The following GALNT2 variants were observed in gnomAD, a reference collection of about 807,000 sequenced individuals.
The protein encoded by GALNT2 is UDP-GalNAc:polypeptide N-acetylgalactosaminyltransferase 2.
Under a neutral mutation model 81.4 loss-of-function variants are expected in GALNT2, and 31 were observed. The observed-to-expected ratio is 0.38, with a 90% CI of 0.29 to 0.51. GALNT2 has a LOEUF of 0.51. Ranked by LOEUF, GALNT2 falls within the 20% of genes least tolerant of loss-of-function variation. The probability of loss-of-function intolerance (pLI) is 0.87; values close to 1 mark genes in which losing one functional copy is unlikely to be tolerated. For synonymous variants in GALNT2, 303 were observed against 287.4 expected (o/e 1.05, Z -0.55); for missense variants, 629 against 765.7 (o/e 0.82, Z 2.11).
Position 230,113,026 on chromosome 1 carries a change from C to T in GALNT2, c.126+45620C>T, listed in dbSNP as rs192431239. On this transcript the variant is annotated intron_variant, in intron 1 of 15. Coordinates refer to ENST00000366672, the MANE Select transcript of GALNT2 (RefSeq NM_004481.5). ...GCAGAGGTGAAGGTCTCAGCACCTTCTGTGTGCCCTCTTGCATGTGTGTTT... is the reference window on the plus strand; with the variant it reads ...GCAGAGGTGAAGGTCTCAGCACCTTTTGTGTGCCCTCTTGCATGTGTGTTT... 1.1e-3 allele frequency among the ~76,000 whole-genome samples: 173 copies of T among 152,310 alleles called. 4 individuals are homozygous for T. Among genetic ancestry groups the T allele is most frequent in the Admixed American group, 9.9e-3 (151 of 15,308 alleles).
chr1:230,175,124 C>G (rs1662928232), intron 1 of GALNT2, among the ~76,000 whole-genome samples: 5 of 152,218 alleles, frequency 3.3e-5, no homozygotes, highest in Admixed American at 3.3e-4. Flanking sequence ...TGGGACAAGA[C>G]AAGCATCTAC....
chr1:230,127,320 C>G (rs1026896607), intron 1 of GALNT2, among the ~76,000 whole-genome samples: 4 of 152,004 alleles, frequency 2.6e-5, no homozygotes, highest in African/African-American at 9.7e-5. Context: ...TGACACCTCC[C>G]CCTTCATCCC....
chr1:230,071,627 G>T (rs1659377606), intron 1 of GALNT2, among the ~76,000 whole-genome samples: 1 of 152,156 alleles, frequency 6.6e-6, no homozygotes, highest in African/African-American at 2.4e-5. Flanking sequence ...CCAAAAATCT[G>T]TGAGCATCTT....
chr1:230,151,332 G>A (rs889604302), intron 1 of GALNT2, among the ~76,000 whole-genome samples: 13 of 152,138 alleles, frequency 8.5e-5, no homozygotes, highest in Non-Finnish European at 1.5e-4. Flanking sequence ...CTGCACACCC[G>A]TGACAGGGTG....
At chr1:230,192,065 C>G (rs1462719376) in intron 2 of GALNT2, among the ~76,000 whole-genome samples, 1 of 152,246 alleles carries the variant, frequency 6.6e-6, no homozygotes, top group South Asian at 2.1e-4. Flanking sequence ...GAGACTCAGT[C>G]ACTCCAGGGT....
At chr1:230,238,302 T>C (rs1665093644) in intron 6 of GALNT2, among the ~76,000 whole-genome samples, 1 of 152,216 alleles carries the variant, frequency 6.6e-6, no homozygotes, top group Admixed American at 6.5e-5. Context: ...GTGGATTTTA[T>C]TGTGCATTGA....
intron 2 of GALNT2, among the ~76,000 whole-genome samples, chr1:230,195,351 T>C (rs908601620): frequency 1.3e-5 from 2 of 152,142 alleles, no homozygotes; most frequent in African/African-American, 2.4e-5. Flanking sequence ...TGGAAGCACT[T>C]ATAAGGCCCC....
At position 230,184,528 on chromosome 1, in the gene GALNT2, A is replaced by AT. The variant is rs1015791950; in HGVS notation, c.220+6227dup. On this transcript the variant is annotated intron_variant, in intron 2 of 15. Transcript: ENST00000366672. ...AAATGGTACAGAATTCTAGGTGGTC[A>AT]TTTTTTTTTTCTCTGAGCCCTTTAA... Among the ~76,000 whole-genome samples the AT allele has an allele frequency of 2.2e-4, 33 of 147,108 alleles. 1 individual carries two copies. Among genetic ancestry groups the AT allele is most frequent in the East Asian group, 1.4e-3 (7 of 5,044 alleles).
chr1:230,070,423 A>G lies in GALNT2; in HGVS notation c.126+3017A>G, dbSNP rs1659337808. Reference sequence around the variant, plus strand: ...GAGGAAGGGATTTCTCTGGAAATGAAGCTGCCTGTGGGTGAAGTGTGGCTG... The same window carrying G: ...GAGGAAGGGATTTCTCTGGAAATGAGGCTGCCTGTGGGTGAAGTGTGGCTG... On this transcript the variant is annotated intron_variant, in intron 1 of 15. Coordinates refer to ENST00000366672, the MANE Select transcript of GALNT2 (RefSeq NM_004481.5). The surrounding 1 kb of genome is among the most constrained non-coding windows in gnomAD (Gnocchi z 4.7). 6.6e-6 allele frequency among the ~76,000 whole-genome samples: 1 copy of G among 152,156 alleles called. No homozygotes were observed. Among genetic ancestry groups the G allele is most frequent in the African/African-American group, 2.4e-5 (1 of 41,416 alleles).
At chr1:230,062,994 T>G (rs780734019), upstream of GALNT2, among the ~76,000 whole-genome samples, 5 of 152,044 alleles carry the variant, frequency 3.3e-5, no homozygotes, top group Non-Finnish European at 7.4e-5. Context: ...CCAACACTTG[T>G]TATTTATTTA....
chr1:230,195,250 C>G (rs1164801900), intron 2 of GALNT2, among the ~76,000 whole-genome samples: 1 of 152,178 alleles, frequency 6.6e-6, no homozygotes, highest in Non-Finnish European at 1.5e-5. Flanking sequence ...ACACCATTGT[C>G]TCTGTGTTTG....
intron 1 of GALNT2, among the ~76,000 whole-genome samples, chr1:230,114,360 A>G (rs910235674): frequency 6.6e-6 from 1 of 152,236 alleles, no homozygotes; most frequent in Admixed American, 6.5e-5. Context: ...GCCCTGGAAG[A>G]AGAGAACAAA....
intron 3 of GALNT2, among the ~76,000 whole-genome samples, chr1:230,209,783 C>T (rs1664176979): frequency 6.6e-6 from 1 of 151,278 alleles, no homozygotes; most frequent in African/African-American, 2.4e-5. Context: ...GCTGAGCCTG[C>T]ACTGCACTTC....
chr1:230,137,702 A>G (rs1337253606), intron 1 of GALNT2, among the ~76,000 whole-genome samples: 1 of 152,216 alleles, frequency 6.6e-6, no homozygotes, highest in Non-Finnish European at 1.5e-5. Flanking sequence ...GGCTTTCTGG[A>G]CGAGTCCAGC....
intron 2 of GALNT2, among the ~76,000 whole-genome samples, chr1:230,196,752 G>A (rs906750175): frequency 6.6e-6 from 1 of 152,152 alleles, no homozygotes; most frequent in Non-Finnish European, 1.5e-5. Flanking sequence ...CCGCATCTGA[G>A]TGGGAGCCCC....
At chr1:230,167,710 G>C (rs1238695245) in intron 1 of GALNT2, among the ~76,000 whole-genome samples, 1 of 152,166 alleles carries the variant, frequency 6.6e-6, no homozygotes, top group African/African-American at 2.4e-5. Flanking sequence ...ATGGGAGGAA[G>C]GGGCGGTGGA....
In GALNT2 at chr1:230,281,510, A is replaced by G. The variant is rs1176820284; in HGVS notation, c.*2052A>G. The G allele has an allele frequency of 6.6e-6, 1 of 152,160 alleles. No individual in the cohort carries two copies. The highest frequency in any genetic ancestry group is 1.5e-5 in the Non-Finnish European group (1 of 68,054). The allele number at this position is 152,160 out of a possible 1,614,324, so 9.4% of individuals were successfully genotyped here. ...GTGACCTGCGAGCTGCTACTACTGTAAGGAGGGAAATGGATGAATCTGGCT... is the reference window on the plus strand; with the variant it reads ...GTGACCTGCGAGCTGCTACTACTGTGAGGAGGGAAATGGATGAATCTGGCT... On this transcript the variant is annotated 3_prime_UTR_variant, in exon 16 of 16. Transcript: ENST00000366672.
At chr1:230,075,765 A>G (rs1028893557) in intron 1 of GALNT2, among the ~76,000 whole-genome samples, 1 of 152,148 alleles carries the variant, frequency 6.6e-6, no homozygotes, top group Non-Finnish European at 1.5e-5. Flanking sequence ...TGGAAAAAAT[A>G]GAGCAGTGTA....
chr1:230,137,237 G>T (rs534379512), intron 1 of GALNT2, among the ~76,000 whole-genome samples: 85 of 152,358 alleles, frequency 5.6e-4, no homozygotes, highest in Non-Finnish European at 1.0e-3. Context: ...TCAGTGATCT[G>T]TCCCGCTGCT....
Sources: allele counts gnomAD v4.1 joint callset (sites outside exome capture counted in the v4.1 genomes callset), GRCh38; gene constraint gnomAD v4.1.1; non-coding constraint Gnocchi (gnomAD v3.1); transcripts MANE v1.5; gene names NCBI Gene and HGNC (gene_info 2026-07-23, HGNC 2026-07-21).